ZNF195: variants seen among roughly 807,000 people sequenced by gnomAD.
ZNF195 encodes the protein zinc finger protein 195, also known as hypoxia-regulated factor-1.
In ZNF195, 11 loss-of-function variants were observed where a neutral mutation model predicts 19.5. That is an observed-to-expected ratio of 0.57 (90% confidence interval 0.36 to 0.94). The LOEUF is 0.94. Among genes scored for constraint, ZNF195 ranks in the 40% least tolerant of loss-of-function variants. The probability of loss-of-function intolerance (pLI) is 0.01; values close to 1 mark genes in which losing one functional copy is unlikely to be tolerated. For synonymous variants in ZNF195, 214 were observed against 248.1 expected (o/e 0.86, Z 1.29); for missense variants, 582 against 709.0 (o/e 0.82, Z 2.03).
chr11:3,372,007 T>C (rs1347294773), intron 1 of ZNF195, among the ~76,000 whole-genome samples: 1 of 152,228 alleles, frequency 6.6e-6, no homozygotes, highest in Non-Finnish European at 1.5e-5. Context: ...AGAAAAGTCA[T>C]GGTGAGTTAG....
Position 3,360,096 on chromosome 11 carries a change from T to G in ZNF195, c.912A>C (p.Glu304Asp). 1 of 1,614,192 alleles carries G rather than the reference T, an allele frequency of 6.2e-7. No homozygotes were observed. The highest frequency in any genetic ancestry group is 8.5e-7 in the Non-Finnish European group (1 of 1,180,034). Residue 304 changes from glutamate (E) to aspartate (D), a missense_variant, in exon 6 of 6, where the codon GAA becomes GAC. Glu to Asp is a conservative substitution (Grantham distance 45, BLOSUM62 2). This residue lies in a region of ZNF195 where 407 missense variants were observed against 530.5 expected (regional missense o/e 0.77). Coordinates refer to ENST00000399602, the MANE Select transcript of ZNF195 (RefSeq NM_001130520.3). ...AGCAAGTTTTAATGACGTTGTTACATTCTTGACACTTGTAAGGTTTCTCTC... is the reference window on the plus strand; with the variant it reads ...AGCAAGTTTTAATGACGTTGTTACAGTCTTGACACTTGTAAGGTTTCTCTC... ...DTGEKPYKCQ[E>D]CNNVIKTCSV...
Position 3,359,220 on chromosome 11 carries a change from A to G in ZNF195, c.1788T>C (p.His596=), listed in dbSNP as rs957567673. ...GTTTCTCTCCAGTATGAATTCTCTT[A>G]TGTACAATAAGGTTTGAGGACTGGG... The part of the protein sequence containing the change: ...NFTQSSNLIV[H]KRIHTGEKPY... Residue 596 remains histidine, a synonymous_variant, in exon 6 of 6, where the codon CAT becomes CAC. Coordinates refer to ENST00000399602, the MANE Select transcript of ZNF195 (RefSeq NM_001130520.3). This position sits in a 1 kb window ranked among gnomAD's most constrained non-coding sequence, Gnocchi z 5.5. 4 of 1,614,090 alleles carry G rather than the reference A, an allele frequency of 2.5e-6. No individual in the cohort carries two copies. Among genetic ancestry groups the G allele is most frequent in the Non-Finnish European group, 1.7e-6 (2 of 1,180,006 alleles).
At chr11:3,372,118 C>T (rs895678360) in intron 1 of ZNF195, among the ~76,000 whole-genome samples, 11 of 152,138 alleles carry the variant, frequency 7.2e-5, no homozygotes, top group African/African-American at 2.4e-4. Flanking sequence ...CTAACGCGCT[C>T]ACCAGTGATG....
At chr11:3,363,186 A>T (rs905493974) in intron 3 of ZNF195, 1 of 152,234 alleles carries the variant, frequency 6.6e-6, no homozygotes, top group African/African-American at 2.4e-5. Context: ...CATCAAAGCA[A>T]GAAACAGACA....
Position 3,360,802 on chromosome 11 carries a change from A to G in ZNF195, c.374-14T>C. On this transcript the variant is annotated splice_polypyrimidine_tract_variant and intron_variant, in intron 4 of 5. Transcript: ENST00000399602. ...GTGAGCACAGTGCTAGGAGCCAGAT[A>G]AGAAGAAAAACAGTCTGTTACGTTT... The G allele has an allele frequency of 1.3e-6, 2 of 1,550,386 alleles. No individual in the cohort carries two copies. The highest frequency in any genetic ancestry group is 8.7e-7 in the Non-Finnish European group (1 of 1,146,522).
At chr11:3,361,519 A>G (rs1226666086) in intron 4 of ZNF195, among the ~76,000 whole-genome samples, 1 of 152,222 alleles carries the variant, frequency 6.6e-6, no homozygotes, top group African/African-American at 2.4e-5. Flanking sequence ...AAAGACATGA[A>G]GTATGAAAAA....
intron 3 of ZNF195, among the ~76,000 whole-genome samples, chr11:3,370,625 A>C (rs1849156680): frequency 6.6e-6 from 1 of 152,244 alleles, no homozygotes; most frequent in Admixed American, 6.5e-5. Context: ...AAAGGAAATC[A>C]AAAAACATTT....
chr11:3,374,410 A>G (rs1165392608), intron 1 of ZNF195, among the ~76,000 whole-genome samples: 1 of 152,228 alleles, frequency 6.6e-6, no homozygotes, highest in Non-Finnish European at 1.5e-5. Context: ...TCTGGTGCAA[A>G]TGGAGACAGC....
chr11:3,372,617 C>CAAATATATCCCAGGTTCTGACAAAT (rs1564926415), intron 1 of ZNF195, among the ~76,000 whole-genome samples: 1 of 127,804 alleles, frequency 7.8e-6, no homozygotes, highest in Non-Finnish European at 1.7e-5. Context: ...CAGGTCCTGA[C>CAAATATATCCCAGGTTCTGACAAAT]AAATATCTCC....
intron 2 of ZNF195, 83 bp from the exon 3 acceptor site, chr11:3,371,153 T>C: frequency 7.9e-7 from 1 of 1,267,126 alleles, no homozygotes; most frequent in Non-Finnish European, 1.1e-6. Context: ...AGAGTGAACA[T>C]TATATAAGAT....
At chr11:3,363,390 A>C (rs1330405417) in intron 3 of ZNF195, 1 of 152,238 alleles carries the variant, frequency 6.6e-6, no homozygotes, top group Non-Finnish European at 1.5e-5. Flanking sequence ...AGGATAGGCC[A>C]CCTGTTAAAC....
chr11:3,361,305 A>C (rs1848622313), intron 4 of ZNF195, among the ~76,000 whole-genome samples: 4 of 152,236 alleles, frequency 2.6e-5, no homozygotes, highest in Non-Finnish European at 5.9e-5. Flanking sequence ...TAATGCCTGA[A>C]TCTCAGTCAA....
In ZNF195 at chr11:3,379,094, G is replaced by A. The variant is rs1296029894; in HGVS notation, c.-54C>T. ...CACTTCTGGATCTCCCGGTGCCTGCGGGTCACACGACCTACGGCTAGCAGG... is the reference window on the plus strand; with the variant it reads ...CACTTCTGGATCTCCCGGTGCCTGCAGGTCACACGACCTACGGCTAGCAGG... On this transcript the variant is annotated 5_prime_UTR_variant, in exon 1 of 6. Transcript: ENST00000399602. 2.7e-6 allele frequency: 4 copies of A among 1,478,570 alleles called. No homozygotes were observed. The highest frequency in any genetic ancestry group is 1.8e-6 in the Non-Finnish European group (2 of 1,106,176). The allele number at this position is 1,478,570 out of a possible 1,614,324, so 91.6% of individuals were successfully genotyped here.
In ZNF195 at chr11:3,359,136, A is replaced by G. The variant is rs2134678997; in HGVS notation, c.1872T>C (p.His624=). The change falls in exon 6 of 6, where the codon CAT becomes CAC. Residue 624 remains histidine (H), a synonymous_variant. Transcript: ENST00000399602. This position sits in a 1 kb window ranked among gnomAD's most constrained non-coding sequence, Gnocchi z 5.5. ...AFTQFSHLTV[H]ESIHT ...TTTTTTCTCAAGTATGAATGCTTTC[A>G]TGTACAGTCAGGTGTGAGAACTGGG... is the stretch of plus-strand genomic sequence containing the variant. The G allele has an allele frequency of 6.4e-7, 1 of 1,573,436 alleles. No individual in the cohort carries two copies. Among genetic ancestry groups the G allele is most frequent in the African/African-American group, 1.4e-5 (1 of 72,888 alleles).
intron 1 of ZNF195, 86 bp from the exon 2 acceptor site, chr11:3,371,789 G>C (rs1849226246): frequency 2.1e-6 from 3 of 1,429,596 alleles, no homozygotes; most frequent in Non-Finnish European, 1.9e-6. Context: ...TTACACAAGT[G>C]ACTGAAATTA....
intron 1 of ZNF195, chr11:3,377,577 T>C: frequency 9.1e-7 from 1 of 1,101,840 alleles, no homozygotes; most frequent in Non-Finnish European, 1.1e-6. Context: ...GATTGAAAGT[T>C]GGGTTGGGTG....
chr11:3,378,939 C>T (rs1849611997), intron 1 of ZNF195, 99 bp downstream of exon 1: 1 of 1,284,886 alleles, frequency 7.8e-7, no homozygotes, highest in Non-Finnish European at 1.0e-6. Context: ...GTCCGCGGAG[C>T]CCGGAACCCA....
intron 3 of ZNF195, chr11:3,362,147 C>T: frequency 3.3e-6 from 1 of 301,634 alleles, no homozygotes; most frequent in South Asian, 2.8e-5. Context: ...ATAATATAAC[C>T]AGTGTCCTAC....
At chr11:3,376,832 AC>A (rs1320135023) in intron 1 of ZNF195, among the ~76,000 whole-genome samples, 4 of 152,224 alleles carry the variant, frequency 2.6e-5, no homozygotes, top group African/African-American at 9.6e-5. Context: ...AAACAGAGAT[AC>A]TCATGACAAC....
Sources: allele counts gnomAD v4.1 joint callset (sites outside exome capture counted in the v4.1 genomes callset), GRCh38; gene constraint gnomAD v4.1.1; regional missense constraint gnomAD v4.1.1; non-coding constraint Gnocchi (gnomAD v3.1); transcripts MANE v1.5; gene names NCBI Gene and HGNC (gene_info 2026-07-23, HGNC 2026-07-21).